The following SOCS5 variants were observed in gnomAD, a reference collection of about 807,000 sequenced individuals.
The protein encoded by SOCS5 is CIS-6.
A neutral mutation model predicts 42.8 loss-of-function variants in SOCS5; 32 were observed. The ratio of observed to expected loss-of-function variants is 0.75; its 90% confidence interval spans 0.56 to 1.01. The LOEUF is 1.01. Among genes scored for constraint, SOCS5 ranks in the 50% least tolerant of loss-of-function variants. The pLI is 0.00. For synonymous variants in SOCS5, 283 were observed against 229.6 expected (o/e 1.23, Z -2.10); for missense variants, 627 against 653.0 (o/e 0.96, Z 0.43).
chr2:46,708,569 G>A (rs77502676), intron 1 of SOCS5, among the ~76,000 whole-genome samples: 2,871 of 152,174 alleles, frequency 0.019, 73 homozygotes, highest in African/African-American at 0.061. Flanking sequence ...AAAAGTAACT[G>A]CCATTGCTGG....
chr2:46,699,183 T>TGGTGGG (rs1438344715), upstream of SOCS5: 1 of 148,436 alleles, frequency 6.7e-6, no homozygotes, highest in African/African-American at 2.5e-5. This position sits in a 1 kb window ranked among gnomAD's most constrained non-coding sequence, Gnocchi z 4.8. Context: ...TTTTCCATTC[T>TGGTGGG]GGTGGGGGTT....
intron 1 of SOCS5, among the ~76,000 whole-genome samples, chr2:46,703,256 G>A (rs1263950291): frequency 6.6e-6 from 1 of 152,066 alleles, no homozygotes; most frequent in Non-Finnish European, 1.5e-5. Context: ...CATGCTGTTG[G>A]TGGTACTTCA....
intron 1 of SOCS5, among the ~76,000 whole-genome samples, chr2:46,742,065 A>G (rs1673390931): frequency 6.6e-6 from 1 of 152,234 alleles, no homozygotes; most frequent in East Asian, 1.9e-4. Flanking sequence ...AAAATGTAAA[A>G]GAAATAAAAA....
At chr2:46,742,255 T>C (rs1673394525) in intron 1 of SOCS5, among the ~76,000 whole-genome samples, 1 of 152,162 alleles carries the variant, frequency 6.6e-6, no homozygotes, top group African/African-American at 2.4e-5. Context: ...TTGTCTTCTT[T>C]TCTTTTTTAA....
rs140453975 is a variant in SOCS5, at chr2:46,725,330, T to C, written c.-13+25881T>C. On this transcript the variant is annotated intron_variant, in intron 1 of 1. Coordinates refer to ENST00000394861, the MANE Select transcript of SOCS5 (RefSeq NM_144949.3). ...AAAAAAATCTAATAATTTTGTCTTT[T>C]ATTGGTATTTTTAGGTTATTTACAT... is the stretch of plus-strand genomic sequence containing the variant. 2.7e-4 allele frequency among the ~76,000 whole-genome samples: 41 copies of C among 152,228 alleles called. 1 individual carries two copies. In the East Asian group the frequency reaches 7.7e-3, roughly 29 times the overall value.
At chr2:46,747,169 C>T (rs546150147) in intron 1 of SOCS5, among the ~76,000 whole-genome samples, 12 of 151,934 alleles carry the variant, frequency 7.9e-5, no homozygotes, top group Admixed American at 2.6e-4. Flanking sequence ...TTCTAAAAAT[C>T]TAGTCATTTC....
In SOCS5 at chr2:46,760,245, A is replaced by G. The variant is rs969218587; in HGVS notation, c.*104A>G. 8.8e-6 allele frequency: 7 copies of G among 793,446 alleles called. 1 individual carries two copies. The Admixed American group carries it at 1.0e-4, about 12-fold the overall frequency. The allele number at this position is 793,446 out of a possible 1,614,324, so 49.2% of individuals were successfully genotyped here. On this transcript the variant is annotated 3_prime_UTR_variant, in exon 2 of 2. Transcript: ENST00000394861. ...GCAGTGTTAGGCTTTTTCATACAGT[A>G]TGTAAGCTTAGTGTTAGTATCTGTC...
At chr2:46,737,615 C>T (rs145465737) in intron 1 of SOCS5, among the ~76,000 whole-genome samples, 179 of 152,232 alleles carry the variant, frequency 1.2e-3, no homozygotes, top group African/African-American at 3.9e-3. Flanking sequence ...TCAGATTCTT[C>T]TACTAAAATT....
intron 1 of SOCS5, among the ~76,000 whole-genome samples, chr2:46,713,566 A>C (rs1672675821): frequency 6.6e-6 from 1 of 151,800 alleles, no homozygotes; most frequent in Non-Finnish European, 1.5e-5. Context: ...GATTAATCTA[A>C]CTTGAGAAAG....
At chr2:46,716,367 A>ATTTTTTTTTTTTTTTTTTTT (rs35187667) in intron 1 of SOCS5, among the ~76,000 whole-genome samples, 9 of 17,042 alleles carry the variant, frequency 5.3e-4, no homozygotes, top group Non-Finnish European at 7.0e-4. Flanking sequence ...GAGTGTCTTC[A>ATTTTTTTTTTTTTTTTTTTT]TTTTTTTTTT....
intron 1 of SOCS5, among the ~76,000 whole-genome samples, chr2:46,748,854 C>T (rs755753834): frequency 6.6e-6 from 1 of 152,186 alleles, no homozygotes; most frequent in African/African-American, 2.4e-5. Flanking sequence ...TCCATTTGCT[C>T]ACTTACCATT....
At position 46,699,893 on chromosome 2, in the gene SOCS5, A is replaced by G. The variant is rs1572825074; in HGVS notation, c.-13+444A>G. Among the ~76,000 whole-genome samples, 1 of 152,010 alleles carries G rather than the reference A, an allele frequency of 6.6e-6. No homozygotes were observed. The highest frequency in any genetic ancestry group is 6.5e-5 in the Admixed American group (1 of 15,268). The stretch of plus-strand genomic sequence containing the variant: ...CACCGACCAAGTCACTTGGGGCTCC[A>G]AGAGCCCGATCTGGGGGTCTTCAAG... On this transcript the variant is annotated intron_variant, in intron 1 of 1. Coordinates refer to ENST00000394861, the MANE Select transcript of SOCS5 (RefSeq NM_144949.3). The surrounding 1 kb of genome is among the most constrained non-coding windows in gnomAD (Gnocchi z 4.8).
chr2:46,748,193 T>TTC (rs1673547692), intron 1 of SOCS5, among the ~76,000 whole-genome samples: 1 of 150,214 alleles, frequency 6.7e-6, no homozygotes. Context: ...CTTTTTCTTT[T>TTC]TTTTTTTTTT....
intron 1 of SOCS5, among the ~76,000 whole-genome samples, chr2:46,701,746 A>G (rs908442129): frequency 1.4e-5 from 2 of 138,916 alleles, no homozygotes; most frequent in African/African-American, 5.5e-5. Context: ...CATTGGAAAG[A>G]GACAAACTGT....
rs764498188 is a variant in SOCS5 at position 46,759,072 on chromosome 2, T to G, written c.542T>G (p.Leu181Trp). The part of the protein sequence containing the change: ...TVGSRSLRQR[L>W]QDTVGLCFPM... ...GGAAGTCGCTCTCTAAGACAGAGGT[T>G]GCAGGATACTGTGGGCTTGTGTTTT... is the stretch of plus-strand genomic sequence containing the variant. The change falls in exon 2 of 2, where the codon TTG becomes TGG. Residue 181 changes from leucine (L) to tryptophan (W), a missense_variant. Around this residue, in one of 3 missense-constraint regions of SOCS5, gnomAD observed 278 missense variants for 246.3 expected, o/e 1.13. Transcript: ENST00000394861. 1 of 1,613,972 alleles carries G rather than the reference T, an allele frequency of 6.2e-7. No homozygotes were observed. Among genetic ancestry groups the G allele is most frequent in the Non-Finnish European group, 8.5e-7 (1 of 1,179,846 alleles).
intron 1 of SOCS5, among the ~76,000 whole-genome samples, chr2:46,717,961 G>A (rs542722868): frequency 6.6e-5 from 10 of 152,250 alleles, no homozygotes; most frequent in South Asian, 2.1e-4. Context: ...CAAAGATTCC[G>A]GAGATCTCTC....
At chr2:46,718,019 G>C (rs925312793) in intron 1 of SOCS5, among the ~76,000 whole-genome samples, 1 of 152,058 alleles carries the variant, frequency 6.6e-6, no homozygotes, top group East Asian at 1.9e-4. Flanking sequence ...TTCTAGTTTT[G>C]CTGCTCAAAT....
intron 1 of SOCS5, among the ~76,000 whole-genome samples, chr2:46,700,488 G>A (rs1672316065): frequency 6.6e-6 from 1 of 152,154 alleles, no homozygotes; most frequent in African/African-American, 2.4e-5. Flanking sequence ...TATTCTAGAA[G>A]ACTAATAAGT....
At chr2:46,710,039 C>T (rs1672581890) in intron 1 of SOCS5, among the ~76,000 whole-genome samples, 1 of 152,168 alleles carries the variant, frequency 6.6e-6, no homozygotes, top group South Asian at 2.1e-4. Context: ...TCAAGTGATT[C>T]TGATATATGT....
Sources: gnomAD v4.1 joint callset for allele counts (sites outside exome capture counted in the v4.1 genomes callset) on GRCh38, gnomAD v4.1.1 for gene constraint, gnomAD v4.1.1 regional missense constraint, Gnocchi (gnomAD v3.1) non-coding constraint, MANE v1.5 for transcripts, NCBI Gene and HGNC (gene_info 2026-07-23, HGNC 2026-07-21) for gene names.